Variants in ANAPC2 observed in about 807,000 individuals in gnomAD.
ANAPC2 encodes anaphase promoting complex subunit 2.
A neutral mutation model predicts 84.3 loss-of-function variants in ANAPC2; 29 were observed. The observed-to-expected ratio is 0.34, with a 90% CI of 0.26 to 0.47. The LOEUF is 0.47. Among genes scored for constraint, ANAPC2 ranks in the 20% least tolerant of loss-of-function variants. The pLI is 1.00. For synonymous variants in ANAPC2, 571 were observed against 479.4 expected, an observed-to-expected ratio of 1.19 and a Z score of -2.50; for missense variants, 857 against 1,131.7, an observed-to-expected ratio of 0.76 and a Z score of 3.48.
At chr9:137,177,381 G>C (rs946553813) in intron 10 of ANAPC2, among the ~76,000 whole-genome samples, 4 of 148,872 alleles carry the variant, frequency 2.7e-5, no homozygotes, top group African/African-American at 1.0e-4. Flanking sequence ...CTGAACTTTT[G>C]AAACAGATCA....
intron 3 of ANAPC2, 36 bp from the exon 4 acceptor site, chr9:137,185,123 C>A: frequency 6.7e-7 from 1 of 1,488,656 alleles, no homozygotes; most frequent in South Asian, 1.3e-5. Context: ...TGCAGGGAGG[C>A]ATGGTGAGCC....
chr9:137,175,550 CGG>C, intron 11 of ANAPC2, 78 bp from the exon 12 acceptor site: 1 of 1,481,916 alleles, frequency 6.7e-7, no homozygotes, highest in African/African-American at 1.4e-5. Context: ...GCCGAGAGGT[CGG>C]GGGGCTCCCG....
intron 2 of ANAPC2, chr9:137,186,726 G>A (rs1207448876): frequency 4.4e-5 from 11 of 249,506 alleles, no homozygotes; most frequent in South Asian, 1.0e-4. Flanking sequence ...GGCCGCAGAG[G>A]TACAGATGCC....
At chr9:137,185,405 G>GC (rs1300779684) in intron 3 of ANAPC2, among the ~76,000 whole-genome samples, 2 of 152,202 alleles carry the variant, frequency 1.3e-5, no homozygotes, top group African/African-American at 4.8e-5. Context: ...GGGCACACTT[G>GC]CCCCCACTTA....
At chr9:137,175,530 C>T (rs1834189716) in intron 11 of ANAPC2, 58 bp from the exon 12 acceptor site, 2 of 1,497,648 alleles carry the variant, frequency 1.3e-6, no homozygotes, top group South Asian at 1.3e-5. Context: ...ACCTCCCCTG[C>T]CTCCCGTCAG....
At position 137,175,747 on chromosome 9, in the gene ANAPC2, G is replaced by A. The variant is rs1251502862; in HGVS notation, c.1981C>T (p.Pro661Ser). 1 of 1,612,128 alleles carries A rather than the reference G, an allele frequency of 6.2e-7. No individual in the cohort carries two copies. Among genetic ancestry groups the A allele is most frequent in the Non-Finnish European group, 8.5e-7 (1 of 1,179,640 alleles). ...ADRTLSVAVT[P>S]VQAVILLYFQ... ...TACAGCAAGATCACCGCCTGTACTG[G>A]GGTGACCGCCACAGACAGCGTGCGG... Residue 661 changes from proline (P) to serine (S), a missense_variant, in exon 11 of 13, where the codon CCA becomes TCA. Physicochemically the swap from Pro to Ser is moderately conservative, Grantham distance 74. Coordinates refer to ENST00000323927, the MANE Select transcript of ANAPC2 (RefSeq NM_013366.4).
At chr9:137,175,921 A>T in intron 10 of ANAPC2, 84 bp from the exon 11 acceptor site, 1 of 1,475,800 alleles carries the variant, frequency 6.8e-7, no homozygotes, top group East Asian at 2.5e-5. Context: ...CCAGTGAGAA[A>T]GGGGCTCCCA....
chr9:137,179,945 C>CA, intron 10 of ANAPC2, among the ~76,000 whole-genome samples: 2 of 152,402 alleles, frequency 1.3e-5, no homozygotes, highest in South Asian at 4.1e-4. Flanking sequence ...ACAGCCCACC[C>CA]AAGCGCCTGT....
rs1023390225 is a variant in ANAPC2, at chr9:137,174,908, C to T, written c.*34G>A. ...GAGGACGAGAGCACCTGCAGGGCAGCGCCTGGCGGGCGGGCGGGCGGGCGG... is the reference window on the plus strand; with the variant it reads ...GAGGACGAGAGCACCTGCAGGGCAGTGCCTGGCGGGCGGGCGGGCGGGCGG... On this transcript the variant is annotated 3_prime_UTR_variant, in exon 13 of 13. Coordinates refer to ENST00000323927, the MANE Select transcript of ANAPC2 (RefSeq NM_013366.4). The surrounding 1 kb of genome is among the most constrained non-coding windows in gnomAD (Gnocchi z 6.1). The T allele has an allele frequency of 3.3e-5, 37 of 1,117,814 alleles. No individual in the cohort carries two copies. In the East Asian group the frequency reaches 6.0e-4, roughly 18 times the overall value. The allele number at this position is 1,117,814 out of a possible 1,614,324, so 69.2% of individuals were successfully genotyped here.
At position 137,174,832 on chromosome 9, in the gene ANAPC2, A is replaced by C; in HGVS notation, c.*110T>G. On this transcript the variant is annotated 3_prime_UTR_variant, in exon 13 of 13. Coordinates refer to ENST00000323927, the MANE Select transcript of ANAPC2 (RefSeq NM_013366.4). The surrounding 1 kb of genome is among the most constrained non-coding windows in gnomAD (Gnocchi z 6.1). ...GCACACTGCGGGGGTGGGGGTGGGC[A>C]TGCTCCTCAGCAGTGCATTCTGGGA... 7.0e-7 allele frequency: 1 copy of C among 1,431,726 alleles called. No homozygotes were observed. Among genetic ancestry groups the C allele is most frequent in the Non-Finnish European group, 9.1e-7 (1 of 1,094,304 alleles). 88.7% of individuals were successfully genotyped at this position (1,431,726 alleles called of 1,614,324 possible). A position where few individuals can be genotyped will look rare whatever the true frequency, so the allele number is the denominator to read the frequency against.
chr9:137,187,435 G>A (rs763034814), intron 2 of ANAPC2, 46 bp downstream of exon 2: 22 of 1,560,926 alleles, frequency 1.4e-5, no homozygotes, highest in Non-Finnish European at 1.8e-5. Flanking sequence ...GGAGCAGCGG[G>A]GAACCAGAAG....
At position 137,187,777 on chromosome 9, in the gene ANAPC2, C is replaced by A. The variant is rs1347366621; in HGVS notation, c.444G>T (p.Gly148=). The A allele has an allele frequency of 6.2e-7, 1 of 1,613,586 alleles. No homozygotes were observed. Among genetic ancestry groups the A allele is most frequent in the Non-Finnish European group, 8.5e-7 (1 of 1,180,048 alleles). Residue 148 remains glycine (G), a synonymous_variant, in exon 2 of 13, where the codon GGG becomes GGT. Transcript: ENST00000323927. ...ACATAGTGTGGACTTCTTCTCGCAGCCCCTGAGCACCAGTGCCCATCAGCA... is the reference window on the plus strand; with the variant it reads ...ACATAGTGTGGACTTCTTCTCGCAGACCCTGAGCACCAGTGCCCATCAGCA... ...LGLLMGTGAQ[G]LREEVHTMLR... is the part of the protein sequence containing the mutation.
At chr9:137,181,574 C>A in intron 7 of ANAPC2, 107 bp downstream of exon 7, 1 of 1,255,904 alleles carries the variant, frequency 8.0e-7, no homozygotes, top group Non-Finnish European at 1.1e-6. Context: ...GAGACACTAG[C>A]GACACCTGAC....
In ANAPC2 at chr9:137,187,552, C is replaced by G; in HGVS notation, c.669G>C (p.Gly223=). The change falls in exon 2 of 13, where the codon GGG becomes GGC. Residue 223 remains glycine (G), a synonymous_variant. Coordinates refer to ENST00000323927, the MANE Select transcript of ANAPC2 (RefSeq NM_013366.4). ...YRLLQSPLCA[G]CSSDKQQCWC... ...AGCACTGTTGCTTGTCACTGCTGCA[C>G]CCTGCACACAGCGGGCTCTGCAGGA... is the stretch of plus-strand genomic sequence containing the variant. 1 of 1,613,902 alleles carries G rather than the reference C, an allele frequency of 6.2e-7. No homozygotes were observed. Among genetic ancestry groups the G allele is most frequent in the East Asian group, 2.2e-5 (1 of 44,894 alleles).
At chr9:137,185,804 G>A (rs1249540216) in intron 3 of ANAPC2, among the ~76,000 whole-genome samples, 2 of 152,174 alleles carry the variant, frequency 1.3e-5, no homozygotes, top group Non-Finnish European at 2.9e-5. Context: ...CCCATGTGAG[G>A]GTGTCTCGCT....
intron 4 of ANAPC2, 48 bp downstream of exon 4, chr9:137,184,865 A>G: frequency 1.3e-6 from 2 of 1,595,462 alleles, no homozygotes; most frequent in Non-Finnish European, 8.5e-7. Context: ...AGGCCCTGGG[A>G]AGACTCCCCA....
chr9:137,182,469 ACTGCACTCCAGC>A lies in ANAPC2; in HGVS notation c.1287-619_1287-608del, dbSNP rs576709625. Among the ~76,000 whole-genome samples the A allele has an allele frequency of 1.5e-3, 226 of 152,214 alleles. 1 individual carries two copies. The highest frequency in any genetic ancestry group is 5.2e-3 in the African/African-American group (214 of 41,548). ...GCTTGCAGTGAGCAGAGATCGTGCC[ACTGCACTCCAGC>A]CTGGGCGAAAGAGTGAGACTCCATC... On this transcript the variant is annotated intron_variant, in intron 6 of 12. Coordinates refer to ENST00000323927, the MANE Select transcript of ANAPC2 (RefSeq NM_013366.4).
intron 7 of ANAPC2, among the ~76,000 whole-genome samples, chr9:137,181,162 G>T (rs547096902): frequency 5.3e-5 from 8 of 152,234 alleles, no homozygotes; most frequent in Non-Finnish European, 1.0e-4. Context: ...TCCCATGCAG[G>T]CTTAGGGGAC....
At position 137,183,240 on chromosome 9, in the gene ANAPC2, C is replaced by T. The variant is rs767471831; in HGVS notation, c.1171G>A (p.Val391Ile). 6.8e-6 allele frequency: 11 copies of T among 1,611,962 alleles called. No homozygotes were observed. The highest frequency in any genetic ancestry group is 2.2e-5 in the East Asian group (1 of 44,886). ...ALETRLLHPG[V>I]NTCDIITLYI... The stretch of plus-strand genomic sequence containing the variant: ...AGGGTGATGATGTCACACGTGTTGA[C>T]GCCTACAGCCAGGGCAGAAGCCAGC... Residue 391 changes from valine to isoleucine, a missense_variant and splice_region_variant, in exon 6 of 13, where the codon GTC (valine) becomes ATC (isoleucine). Val to Ile is a conservative substitution (Grantham distance 29). This residue lies in a region of ANAPC2 where 4 missense variants were observed against 22.3 expected (regional missense o/e 0.18). Transcript: ENST00000323927.
Sources: gnomAD v4.1 joint callset for allele counts (sites outside exome capture counted in the v4.1 genomes callset) on GRCh38, gnomAD v4.1.1 for gene constraint, gnomAD v4.1.1 regional missense constraint, Gnocchi (gnomAD v3.1) non-coding constraint, MANE v1.5 for transcripts, NCBI Gene and HGNC (gene_info 2026-07-23, HGNC 2026-07-21) for gene names.